The following HS1BP3 variants were observed in gnomAD, a reference collection of about 807,000 sequenced individuals.
HS1BP3 encodes the protein HCLS1-binding protein 3.
Under a neutral mutation model 33.5 loss-of-function variants are expected in HS1BP3, and 32 were observed. That is an observed-to-expected ratio of 0.95 (90% CI 0.72 to 1.28). The LOEUF (loss-of-function observed/expected upper bound fraction) is 1.28, where lower values mean the gene tolerates loss of function less well. HS1BP3 is among the 50% of genes most tolerant of loss of function. The probability of loss-of-function intolerance (pLI) is 0.00; values close to 1 mark genes in which losing one functional copy is unlikely to be tolerated. For missense variants in HS1BP3, 486 were observed against 502.3 expected (o/e 0.97, Z 0.31); for synonymous variants, 187 against 209.2 (o/e 0.89, Z 0.92).
chr2:20,577,138 C>T (rs1340589150), intron 5 of HS1BP3, among the ~76,000 whole-genome samples: 3 of 152,146 alleles, frequency 2.0e-5, no homozygotes, highest in African/African-American at 7.2e-5. Flanking sequence ...TGGGGTGGCC[C>T]AGGGCAAGTG....
At chr2:20,593,204 G>A (rs1372554529) in intron 3 of HS1BP3, among the ~76,000 whole-genome samples, 1 of 152,000 alleles carries the variant, frequency 6.6e-6, no homozygotes, top group East Asian at 1.9e-4. Flanking sequence ...CAATTGTTTG[G>A]TATGGCCAGG....
chr2:20,561,599 G>C (rs559600745), intron 5 of HS1BP3, among the ~76,000 whole-genome samples: 1 of 152,026 alleles, frequency 6.6e-6, no homozygotes, highest in Non-Finnish European at 1.5e-5. Context: ...ATGCATATGC[G>C]TACACAAGCA....
At chr2:20,634,075 C>T (rs752680922) in intron 4 of HS1BP3, among the ~76,000 whole-genome samples, 4 of 152,222 alleles carry the variant, frequency 2.6e-5, no homozygotes, top group Admixed American at 2.0e-4. Context: ...GCAGAGAACT[C>T]GTCCAGCAGG....
Position 20,618,610 on chromosome 2 carries a change from A to G in HS1BP3, c.*377T>C. The G allele has an allele frequency of 2.5e-6, 2 of 794,300 alleles. No individual in the cohort carries two copies. The highest frequency in any genetic ancestry group is 3.2e-6 in the Non-Finnish European group (2 of 634,116). The allele number at this position is 794,300 out of a possible 1,614,324, so 49.2% of individuals were successfully genotyped here. On this transcript the variant is annotated 3_prime_UTR_variant, in exon 7 of 7. Coordinates refer to ENST00000304031, the MANE Select transcript of HS1BP3 (RefSeq NM_022460.4). ...AGTTTGGGTCTGTGCTGGGGCTGGCAGAACCCGTGGGCATGAAGCTTCCCT... is the reference window on the plus strand; with the variant it reads ...AGTTTGGGTCTGTGCTGGGGCTGGCGGAACCCGTGGGCATGAAGCTTCCCT...
In HS1BP3 at chr2:20,618,637, C is replaced by T; in HGVS notation, c.*350G>A. The stretch of plus-strand genomic sequence containing the variant: ...AACCCGTGGGCATGAAGCTTCCCTG[C>T]CCCATGTGACACCTCGCTACGGCCC... On this transcript the variant is annotated 3_prime_UTR_variant, in exon 7 of 7. Coordinates refer to ENST00000304031, the MANE Select transcript of HS1BP3 (RefSeq NM_022460.4). The T allele has an allele frequency of 1.9e-6, 2 of 1,046,460 alleles. No homozygotes were observed. Among genetic ancestry groups the T allele is most frequent in the South Asian group, 3.4e-5 (1 of 29,648 alleles). 64.8% of individuals were successfully genotyped at this position (1,046,460 alleles called of 1,614,324 possible).
At chr2:20,620,880 C>T (rs1435901397) in intron 6 of HS1BP3, among the ~76,000 whole-genome samples, 1 of 152,228 alleles carries the variant, frequency 6.6e-6, no homozygotes, top group Non-Finnish European at 1.5e-5. Context: ...ACCCCCCAGC[C>T]CAGTCAGACA....
In HS1BP3 at chr2:20,576,958, A is replaced by G. The variant is rs145198174; in HGVS notation, c.303-16443T>C. On this transcript the variant is annotated intron_variant, in intron 5 of 5. Transcript: ENST00000446825. ...ATGGGGAACAGAATTCCCACTTACA[A>G]ATCTTTTCCCATTGGGATGTCTAGG... 3.6e-3 allele frequency among the ~76,000 whole-genome samples: 556 copies of G among 152,346 alleles called. 3 individuals carry two copies. The highest frequency in any genetic ancestry group is 5.9e-3 in the Non-Finnish European group (402 of 68,022).
chr2:20,567,599 G>T (rs372155890), intron 5 of HS1BP3, among the ~76,000 whole-genome samples: 1 of 152,118 alleles, frequency 6.6e-6, no homozygotes. Flanking sequence ...TTCCCCCCCA[G>T]ACACAGCCCC....
At chr2:20,558,075 A>G (rs535824812), downstream of HS1BP3, among the ~76,000 whole-genome samples, 3 of 152,214 alleles carry the variant, frequency 2.0e-5, no homozygotes, top group Admixed American at 1.3e-4. Flanking sequence ...CCACTTGGAC[A>G]TTGTTCACTG....
chr2:20,640,908 C>T, intron 3 of HS1BP3, 65 bp downstream of exon 3: 1 of 1,500,636 alleles, frequency 6.7e-7, no homozygotes, highest in Non-Finnish European at 9.3e-7. Flanking sequence ...CCCACTGGGG[C>T]ACGGCAGCGG....
rs1301351548 is a variant in HS1BP3, at chr2:20,618,908, C to T, written c.*79G>A. 6.6e-6 allele frequency: 10 copies of T among 1,507,900 alleles called. No homozygotes were observed. The highest frequency in any genetic ancestry group is 8.0e-6 in the Non-Finnish European group (9 of 1,129,608). 93.4% of individuals were successfully genotyped at this position (1,507,900 alleles called of 1,614,324 possible). A position where few individuals can be genotyped will look rare whatever the true frequency, so the allele number is the denominator to read the frequency against. On this transcript the variant is annotated 3_prime_UTR_variant, in exon 7 of 7. Coordinates refer to ENST00000304031, the MANE Select transcript of HS1BP3 (RefSeq NM_022460.4). ...CCCCTGGGGGTGGGGAGGTTCTGAC[C>T]CTGCAGGGCCCAGTCCCTTCCCTTC...
chr2:20,649,034 G>A (rs1695604720), intron 1 of HS1BP3, among the ~76,000 whole-genome samples: 3 of 152,140 alleles, frequency 2.0e-5, no homozygotes, highest in African/African-American at 7.2e-5. Context: ...GCCACCACCG[G>A]CTCTACATGG....
At chr2:20,628,671 G>C (rs563213231) in intron 4 of HS1BP3, among the ~76,000 whole-genome samples, 6 of 152,210 alleles carry the variant, frequency 3.9e-5, no homozygotes, top group African/African-American at 1.4e-4. Context: ...TAGCACACAG[G>C]GTGTTCCGCT....
chr2:20,618,798 G>A lies in HS1BP3; in HGVS notation c.*189C>T, dbSNP rs369322246. On this transcript the variant is annotated 3_prime_UTR_variant, in exon 7 of 7. Coordinates refer to ENST00000304031, the MANE Select transcript of HS1BP3 (RefSeq NM_022460.4). ...AGGGTGAGAGCCGCTCCCGCAGCCC[G>A]CAGGCTTCTACTTTGGCCCCACAGC... The A allele has an allele frequency of 4.1e-5, 57 of 1,401,056 alleles. No homozygotes were observed. The South Asian group carries it at 6.2e-4, about 15-fold the overall frequency. The allele number at this position is 1,401,056 out of a possible 1,614,324, so 86.8% of individuals were successfully genotyped here. A position where few individuals can be genotyped will look rare whatever the true frequency, so the allele number is the denominator to read the frequency against.
At chr2:20,605,562 C>G (rs1458395911) in intron 2 of HS1BP3, among the ~76,000 whole-genome samples, 2 of 152,112 alleles carry the variant, frequency 1.3e-5, no homozygotes, top group African/African-American at 4.8e-5. Flanking sequence ...ATGTCATCAC[C>G]CCCCAAAGGA....
chr2:20,634,947 C>T (rs1172550206), intron 4 of HS1BP3: 1 of 151,988 alleles, frequency 6.6e-6, no homozygotes, highest in Admixed American at 6.5e-5. Flanking sequence ...ATACAGGAGC[C>T]AGCCTGTCCC....
At chr2:20,645,675 A>G (rs931888427) in intron 1 of HS1BP3, among the ~76,000 whole-genome samples, 170 bp from the exon 2 acceptor site, 3 of 152,216 alleles carry the variant, frequency 2.0e-5, no homozygotes, top group South Asian at 2.1e-4. Flanking sequence ...ACCAGCCCTC[A>G]TAAGCCTGGC....
the HS1BP3 span, among the ~76,000 whole-genome samples, chr2:20,554,242 C>G: frequency 6.6e-6 from 1 of 152,204 alleles, no homozygotes; most frequent in African/African-American, 2.4e-5. Context: ...CAGTCAGTGC[C>G]TCACTTGTAA....
Position 20,611,502 on chromosome 2 carries a change from T to G in HS1BP3, c.178+12394A>C, listed in dbSNP as rs1480253546. Among the ~76,000 whole-genome samples, 1 of 152,230 alleles carries G rather than the reference T, an allele frequency of 6.6e-6. No individual in the cohort carries two copies. Among genetic ancestry groups the G allele is most frequent in the Non-Finnish European group, 1.5e-5 (1 of 68,040 alleles). On this transcript the variant is annotated intron_variant, in intron 2 of 3. Transcript: ENST00000415264. This position sits in a 1 kb window ranked among gnomAD's most constrained non-coding sequence, Gnocchi z 4.9. ...GGAGAGGGAAACCGATGTGTTTACT[T>G]CCTGTCTCCATGGTGCTGGGAGAGC...
Sources: allele counts gnomAD v4.1 joint callset (sites outside exome capture counted in the v4.1 genomes callset), GRCh38; gene constraint gnomAD v4.1.1; non-coding constraint Gnocchi (gnomAD v3.1); transcripts MANE v1.5; gene names NCBI Gene and HGNC (gene_info 2026-07-23, HGNC 2026-07-21).